SIPA1L3: variants seen among roughly 807,000 people sequenced by gnomAD.
The protein encoded by SIPA1L3 is signal induced proliferation associated 1 like 3, also known as signal-induced proliferation-associated 1-like protein 3.
Under a neutral mutation model 150.1 loss-of-function variants are expected in SIPA1L3, and 59 were observed. That is an observed-to-expected ratio of 0.39 (90% CI 0.32 to 0.49). SIPA1L3 has a LOEUF of 0.49. SIPA1L3 is among the 20% of genes least tolerant of loss of function. The pLI is 0.86. For synonymous variants in SIPA1L3, 1,070 were observed against 1,077.6 expected, an observed-to-expected ratio of 0.99 and a Z score of 0.14; for missense variants, 2,211 against 2,489.5, an observed-to-expected ratio of 0.89 and a Z score of 2.38.
intron 21 of SIPA1L3, 71 bp from the exon 22 acceptor site, chr19:38,206,026 T>G (rs1568611925): frequency 6.8e-7 from 1 of 1,460,156 alleles, no homozygotes; most frequent in East Asian, 2.6e-5. Context: ...CTCACAGGCC[T>G]CAGGGAGCCA....
rs931534375 is a variant in SIPA1L3, at chr19:37,933,526, G to A, written c.-379+26168G>A. On this transcript the variant is annotated intron_variant, in intron 1 of 21. Transcript: ENST00000222345. ...CTTTTGTGTCCATCCTTGTAGAACC[G>A]TTCCTGGCACGTGGTAGATGCGGGC... Among the ~76,000 whole-genome samples, 17 of 152,282 alleles carry A rather than the reference G, an allele frequency of 1.1e-4. No homozygotes were observed. The East Asian group carries it at 1.5e-3, about 14-fold the overall frequency.
Position 38,100,047 on chromosome 19 carries a change from A to T in SIPA1L3, c.1751A>T (p.Asp584Val). The T allele has an allele frequency of 6.2e-7, 1 of 1,612,758 alleles. No homozygotes were observed. The highest frequency in any genetic ancestry group is 8.5e-7 in the Non-Finnish European group (1 of 1,179,536). The change falls in exon 5 of 22, where the codon GAT (aspartate) becomes GTT (valine). Residue 584 changes from aspartate (D) to valine (V), a missense_variant. By Grantham distance (152) the Asp-to-Val change is radical (BLOSUM62 -3). Coordinates refer to ENST00000222345, the MANE Select transcript of SIPA1L3 (RefSeq NM_015073.3). ...ACCGGGCGGGGCCTGCCCTTGAAGG[A>T]TGCCCTGGAGTATGTCATCCCCGAG... ...HGTGRGLPLK[D>V]ALEYVIPELN...
intron 3 of SIPA1L3, among the ~76,000 whole-genome samples, chr19:38,084,523 T>G (rs1422114172): frequency 6.8e-6 from 1 of 147,946 alleles, no homozygotes; most frequent in Non-Finnish European, 1.5e-5. Context: ...AAAGTTTTTC[T>G]TTTCCAAGAA....
At position 38,162,860 on chromosome 19, in the gene SIPA1L3, G is replaced by A. The variant is rs1266688525; in HGVS notation, c.3780+489G>A. On this transcript the variant is annotated intron_variant, in intron 14 of 21. Transcript: ENST00000222345. ...AGGTGAGTGGGAGAAAAGATCACATGGGAGGTGTTTTTTAGCCCAGGCCTG... is the reference window on the plus strand; with the variant it reads ...AGGTGAGTGGGAGAAAAGATCACATAGGAGGTGTTTTTTAGCCCAGGCCTG... 2.4e-4 allele frequency among the ~76,000 whole-genome samples: 36 copies of A among 152,156 alleles called. 1 individual carries two copies. The highest frequency in any genetic ancestry group is 2.4e-3 in the Admixed American group (36 of 15,266).
intron 1 of SIPA1L3, among the ~76,000 whole-genome samples, chr19:37,953,744 G>A (rs1046518704): frequency 1.3e-5 from 2 of 152,214 alleles, no homozygotes; most frequent in African/African-American, 4.8e-5. Context: ...ACTCCTCGCT[G>A]CTGGCTGTAC....
chr19:38,098,062 A>G (rs1422523573), intron 4 of SIPA1L3, among the ~76,000 whole-genome samples: 3 of 152,256 alleles, frequency 2.0e-5, no homozygotes, highest in Non-Finnish European at 4.4e-5. Flanking sequence ...CCTCCCTTGA[A>G]TAGACCTATA....
At chr19:38,179,848 T>C (rs1208757189) in intron 15 of SIPA1L3, among the ~76,000 whole-genome samples, 1 of 152,136 alleles carries the variant, frequency 6.6e-6, no homozygotes, top group Non-Finnish European at 1.5e-5. Flanking sequence ...AGGACTTTTT[T>C]TTTCTTTTTT....
chr19:37,982,260 CTT>C (rs1462294419), intron 1 of SIPA1L3, among the ~76,000 whole-genome samples: 1 of 152,202 alleles, frequency 6.6e-6, no homozygotes, highest in African/African-American at 2.4e-5. Context: ...GGGCAGGTCT[CTT>C]TTATCTGCTT....
In SIPA1L3 at chr19:37,977,761, A is replaced by G. The variant is rs552606576; in HGVS notation, c.-378-51328A>G. On this transcript the variant is annotated intron_variant, in intron 1 of 21. Transcript: ENST00000222345. ...GTTGGTTACTTCCCTGCTTTGTGCCATGGCCTCTGCTGAGCACAGAAGACA... is the reference window on the plus strand; with the variant it reads ...GTTGGTTACTTCCCTGCTTTGTGCCGTGGCCTCTGCTGAGCACAGAAGACA... Among the ~76,000 whole-genome samples, 9 of 152,308 alleles carry G rather than the reference A, an allele frequency of 5.9e-5. No homozygotes were observed. In the East Asian group the frequency reaches 9.6e-4, roughly 16 times the overall value.
At chr19:37,948,359 G>A (rs1599829524) in intron 1 of SIPA1L3, among the ~76,000 whole-genome samples, 1 of 151,988 alleles carries the variant, frequency 6.6e-6, no homozygotes, top group Non-Finnish European at 1.5e-5. Flanking sequence ...CCAGTTACTC[G>A]AGAGGCTGAG....
chr19:37,937,820 G>A (rs760871274), intron 1 of SIPA1L3, among the ~76,000 whole-genome samples: 21 of 149,086 alleles, frequency 1.4e-4, no homozygotes, highest in Non-Finnish European at 2.5e-4. Context: ...GCTGAGGTGG[G>A]CAGATCATGA....
chr19:38,023,762 G>C (rs1291049475), intron 1 of SIPA1L3, among the ~76,000 whole-genome samples: 1 of 152,228 alleles, frequency 6.6e-6, no homozygotes, highest in Non-Finnish European at 1.5e-5. Context: ...AGGCCTGGCT[G>C]TCCCCCATCA....
At chr19:38,198,285 C>T in intron 18 of SIPA1L3, 104 bp from the exon 19 acceptor site, 1 of 1,305,354 alleles carries the variant, frequency 7.7e-7, no homozygotes, top group Non-Finnish European at 1.0e-6. Flanking sequence ...TGGAGGTTTT[C>T]CTGGGCATGT....
Position 38,195,802 on chromosome 19 carries a change from GCC to G in SIPA1L3, c.4840+2028_4840+2029del, listed in dbSNP as rs976090881. 9.5e-3 allele frequency among the ~76,000 whole-genome samples: 192 copies of G among 20,272 alleles called. 14 individuals are homozygous for G. The highest frequency in any genetic ancestry group is 0.04 in the African/African-American group (180 of 4,548). 13.3% of individuals were successfully genotyped at this position (20,272 alleles called of 152,430 possible). ...ACCACCACAGGCCCCGTCCCCCCCC[GCC>G]CCCCCGGGTTTCTCTCACCCCCCTC... On this transcript the variant is annotated intron_variant, in intron 18 of 21. Transcript: ENST00000222345.
chr19:38,061,880 T>C (rs1002797234), intron 2 of SIPA1L3, among the ~76,000 whole-genome samples: 1 of 150,858 alleles, frequency 6.6e-6, no homozygotes, highest in Non-Finnish European at 1.5e-5. Context: ...TTTTGAGTTT[T>C]GTTTTTTTTT....
At chr19:38,094,063 G>A (rs1288097835) in intron 4 of SIPA1L3, among the ~76,000 whole-genome samples, 2 of 152,212 alleles carry the variant, frequency 1.3e-5, no homozygotes, top group East Asian at 1.9e-4. Flanking sequence ...GATAGGGTTA[G>A]AGATTTGGGT....
intron 10 of SIPA1L3, 123 bp from the exon 11 acceptor site, chr19:38,141,057 CAAAA>C (rs551813100): frequency 0.037 from 14,373 of 387,612 alleles, no homozygotes; most frequent in South Asian, 0.043. Context: ...GACTCTGTCT[CAAAA>C]AAAAAAAAAA....
intron 1 of SIPA1L3, among the ~76,000 whole-genome samples, chr19:37,967,886 C>T (rs1041882299): frequency 4.6e-5 from 7 of 152,152 alleles, no homozygotes; most frequent in Non-Finnish European, 7.4e-5. Context: ...CTCAAACTCC[C>T]GAGCTCAAGC....
intron 2 of SIPA1L3, among the ~76,000 whole-genome samples, chr19:38,074,353 G>A (rs1373223336): frequency 2.6e-5 from 4 of 152,274 alleles, no homozygotes; most frequent in African/African-American, 9.6e-5. Context: ...AAGCCCATCT[G>A]TCGGGAGGTG....
Sources: gnomAD v4.1 joint callset for allele counts (sites outside exome capture counted in the v4.1 genomes callset) on GRCh38, gnomAD v4.1.1 for gene constraint, MANE v1.5 for transcripts, NCBI Gene and HGNC (gene_info 2026-07-23, HGNC 2026-07-21) for gene names.